The following TMEM39B variants were observed in gnomAD, a reference collection of about 807,000 sequenced individuals.
The protein encoded by TMEM39B is transmembrane protein 39B.
Under a neutral mutation model 52.2 loss-of-function variants are expected in TMEM39B, and 23 were observed. The ratio of observed to expected loss-of-function variants is 0.44; its 90% CI spans 0.32 to 0.62. TMEM39B has a LOEUF of 0.62. TMEM39B is among the 20% of genes least tolerant of loss of function. The pLI, the probability that TMEM39B is intolerant of heterozygous loss-of-function variation, is 0.06. For missense variants in TMEM39B, 547 were observed against 642.0 expected (o/e 0.85, Z 1.60); for synonymous variants, 285 against 264.0 (o/e 1.08, Z -0.77).
chr1:32,100,717 T>C, intron 8 of TMEM39B, 155 bp downstream of exon 8: 4 of 1,065,614 alleles, frequency 3.8e-6, no homozygotes, highest in Non-Finnish European at 2.7e-6. Context: ...GACAGCCATA[T>C]AAATTGTCAC....
intron 7 of TMEM39B, 42 bp downstream of exon 7, chr1:32,095,013 GGTCAGCATCTGGAGTCACTT>G (rs1557439181): frequency 6.3e-7 from 1 of 1,599,052 alleles, no homozygotes; most frequent in South Asian, 1.1e-5. Flanking sequence ...CAGCCCTTCT[GGTCAGCATCTGGAGTCACTT>G]GTCCACTCGC....
chr1:32,085,462 C>A (rs1393743062), intron 5 of TMEM39B, among the ~76,000 whole-genome samples: 1 of 152,070 alleles, frequency 6.6e-6, no homozygotes, highest in Non-Finnish European at 1.5e-5. Flanking sequence ...TTTTAAAAAT[C>A]TCTTATTTGG....
At chr1:32,073,875 A>G in intron 1 of TMEM39B, 1 of 985,340 alleles carries the variant, frequency 1.0e-6, no homozygotes, top group Non-Finnish European at 1.2e-6. Context: ...GTGAAGAGGT[A>G]TGAACAGGTT....
chr1:32,072,163 CCAAG>C (rs1466090912), upstream of TMEM39B: 1 of 152,168 alleles, frequency 6.6e-6, no homozygotes, highest in Non-Finnish European at 1.5e-5. Context: ...CTATTAAGTG[CCAAG>C]CACTGTGCTA....
At chr1:32,086,877 A>C (rs149672272) in intron 5 of TMEM39B, 1 of 152,260 alleles carries the variant, frequency 6.6e-6, no homozygotes, top group Non-Finnish European at 1.5e-5. Context: ...GCTTGAGACC[A>C]GTCTGGGCAA....
chr1:32,085,621 C>T (rs1055474877), intron 5 of TMEM39B, among the ~76,000 whole-genome samples: 1 of 151,886 alleles, frequency 6.6e-6, no homozygotes, highest in Non-Finnish European at 1.5e-5. Context: ...TGTGGTGGTG[C>T]ATGCCTGTAA....
upstream of TMEM39B, chr1:32,072,529 G>A (rs886246867): frequency 4.5e-5 from 7 of 155,942 alleles, no homozygotes; most frequent in Admixed American, 3.2e-4. Flanking sequence ...TGTGGGGGCC[G>A]AGGGAGGGAG....
intron 1 of TMEM39B, 115 bp downstream of exon 1, chr1:32,073,166 G>GA: frequency 7.7e-7 from 1 of 1,307,140 alleles, no homozygotes; most frequent in Non-Finnish European, 1.0e-6. Flanking sequence ...AGGGGGAGGG[G>GA]ATGCGAGCGC....
rs1640618520 is a variant in TMEM39B at position 32,091,833 on chromosome 1, C to G, written c.749C>G (p.Thr250Arg). The G allele has an allele frequency of 1.2e-6, 2 of 1,614,102 alleles. No homozygotes were observed. Among genetic ancestry groups the G allele is most frequent in the East Asian group, 2.2e-5 (1 of 44,898 alleles). The change falls in exon 6 of 9, where the codon ACA (threonine) becomes AGA (arginine). Residue 250 changes from threonine to arginine, a missense_variant. Thr to Arg is a moderately conservative substitution (Grantham distance 71). Transcript: ENST00000336294. ...CTGCGGGAGACGTGGAAGCAGCACA[C>G]AAGACAGCTGTATGGCCCGGACGCC... Reference protein sequence around the residue: ...LTLRETWKQHTRQLYGPDAMP... With the variant: ...LTLRETWKQHRRQLYGPDAMP...
intron 1 of TMEM39B, chr1:32,073,306 C>T (rs573415707): frequency 2.3e-6 from 1 of 444,382 alleles, no homozygotes; most frequent in Non-Finnish European, 3.7e-6. Context: ...AGGACCAGCT[C>T]GTCGGGGCTA....
intron 5 of TMEM39B, among the ~76,000 whole-genome samples, chr1:32,080,528 A>G (rs1369820765): frequency 6.6e-6 from 1 of 151,766 alleles, no homozygotes; most frequent in East Asian, 2.0e-4. Flanking sequence ...CTAGCCGGGC[A>G]TGGTGGATGG....
chr1:32,073,935 G>T (rs1639747389), intron 1 of TMEM39B: 4 of 973,152 alleles, frequency 4.1e-6, no homozygotes, highest in Non-Finnish European at 3.7e-6. Context: ...TTTTAATAGA[G>T]ACCGGGTTTC....
At chr1:32,093,366 A>G (rs1640681844) in intron 6 of TMEM39B, among the ~76,000 whole-genome samples, 1 of 127,770 alleles carries the variant, frequency 7.8e-6, no homozygotes, top group African/African-American at 3.0e-5. Context: ...CCCAAAGTGC[A>G]GGAATTATAG....
chr1:32,081,561 A>G (rs1640102165), intron 5 of TMEM39B, among the ~76,000 whole-genome samples: 1 of 152,308 alleles, frequency 6.6e-6, no homozygotes, highest in East Asian at 1.9e-4. Flanking sequence ...CAGCCTGGCC[A>G]TCATGGTGAA....
chr1:32,077,303 T>A lies in TMEM39B; in HGVS notation c.575T>A (p.Leu192Gln). 6.2e-7 allele frequency: 1 copy of A among 1,614,172 alleles called. No homozygotes were observed. Among genetic ancestry groups the A allele is most frequent in the Non-Finnish European group, 8.5e-7 (1 of 1,180,018 alleles). The change falls in exon 5 of 9, where the codon CTG becomes CAG. Residue 192 changes from leucine to glutamine, a missense_variant. Leu to Gln is a moderately radical substitution (Grantham distance 113). Coordinates refer to ENST00000336294, the MANE Select transcript of TMEM39B (RefSeq NM_018056.4). ...AGGACCTACTCCTTCCTGAACCTCC[T>A]GTTCCTCTGCTATCCGTGAGTACCC... is the stretch of plus-strand genomic sequence containing the variant. The part of the protein sequence containing the change: ...LFRTYSFLNL[L>Q]FLCYPFGMYI...
chr1:32,079,909 A>G (rs191202761), intron 5 of TMEM39B, among the ~76,000 whole-genome samples: 3 of 151,982 alleles, frequency 2.0e-5, no homozygotes, highest in Non-Finnish European at 4.4e-5. Context: ...AGCTGAGACT[A>G]CAGGCATGCT....
chr1:32,089,702 A>G (rs1640524340), intron 5 of TMEM39B, among the ~76,000 whole-genome samples: 1 of 149,406 alleles, frequency 6.7e-6, no homozygotes, highest in African/African-American at 2.5e-5. Flanking sequence ...GCTGGAGTGC[A>G]GTGGTGTGAT....
At position 32,091,756 on chromosome 1, in the gene TMEM39B, G is replaced by A. The variant is rs778175732; in HGVS notation, c.672G>A (p.Gly224=). Residue 224 remains glycine, a synonymous_variant, in exon 6 of 9, where the codon GGG becomes GGA. Coordinates refer to ENST00000336294, the MANE Select transcript of TMEM39B (RefSeq NM_018056.4). The part of the protein sequence containing the change: ...TSLFNHMASM[G]PREAVSGLAK... ...TCTTCAACCACATGGCCTCCATGGG[G>A]CCCCGGGAGGCGGTCAGTGGCCTGG... The A allele has an allele frequency of 1.9e-6, 3 of 1,614,086 alleles. No homozygotes were observed. Among genetic ancestry groups the A allele is most frequent in the Admixed American group, 1.7e-5 (1 of 60,010 alleles).
In TMEM39B at chr1:32,076,753, C is replaced by T; in HGVS notation, c.352-10C>T. 6.2e-7 allele frequency: 1 copy of T among 1,613,938 alleles called. No homozygotes were observed. Among genetic ancestry groups the T allele is most frequent in the Non-Finnish European group, 8.5e-7 (1 of 1,179,946 alleles). ...GCCCACATGACCCCCAGGCCTCTGC[C>T]CCCTGACAGAACTTCCATCTGATCG... is the stretch of plus-strand genomic sequence containing the variant. On this transcript the variant is annotated splice_polypyrimidine_tract_variant and intron_variant, in intron 3 of 8. Transcript: ENST00000336294.
Sources: allele counts gnomAD v4.1 joint callset (sites outside exome capture counted in the v4.1 genomes callset), GRCh38; gene constraint gnomAD v4.1.1; transcripts MANE v1.5; gene names NCBI Gene and HGNC (gene_info 2026-07-23, HGNC 2026-07-21).